MYPN: variants seen among roughly 807,000 people sequenced by gnomAD.
The protein encoded by MYPN is myopalladin, also known as sarcomeric protein myopalladin, 145 kDa (MYOP).
MYPN carries 63 observed loss-of-function variants against 129.4 expected under a neutral mutation model. The observed-to-expected ratio is 0.49, with a 90% CI of 0.40 to 0.60. The LOEUF (loss-of-function observed/expected upper bound fraction) is 0.60. MYPN is among the 20% of genes least tolerant of loss of function. The pLI is 0.00. For missense variants in MYPN, 1,596 were observed against 1,635.4 expected (o/e 0.98, Z 0.42); for synonymous variants, 629 against 600.9 (o/e 1.05, Z -0.68).
chr10:68,134,750 G>A (rs887589217), intron 2 of MYPN, among the ~76,000 whole-genome samples: 14 of 151,996 alleles, frequency 9.2e-5, no homozygotes, highest in Admixed American at 5.9e-4. Context: ...AGCCGAAATC[G>A]CACCACTGCA....
chr10:68,106,092 C>T (rs1192265400), upstream of MYPN: 2 of 453,102 alleles, frequency 4.4e-6, no homozygotes, highest in Non-Finnish European at 8.8e-6. Context: ...TCCTTCATGG[C>T]ACTTTTGTGT....
At chr10:68,162,944 T>TG (rs1209948815) in intron 8 of MYPN, among the ~76,000 whole-genome samples, 2 of 152,084 alleles carry the variant, frequency 1.3e-5, no homozygotes, top group Admixed American at 6.5e-5. Flanking sequence ...CGATCCTCTG[T>TG]GGGGGTCTTC....
At chr10:68,200,450 A>G (rs1043197419) in intron 17 of MYPN, among the ~76,000 whole-genome samples, 6 of 152,116 alleles carry the variant, frequency 3.9e-5, no homozygotes, top group Non-Finnish European at 8.8e-5. Flanking sequence ...TTCTGCTCTC[A>G]GTGTGGCCCT....
In MYPN at chr10:68,156,607, T is replaced by A. The variant is rs1403637955; in HGVS notation, c.1318-1879T>A. Among the ~76,000 whole-genome samples the A allele has an allele frequency of 2.0e-5, 3 of 152,190 alleles. No homozygotes were observed. The South Asian group carries it at 6.2e-4, about 32-fold the overall frequency. On this transcript the variant is annotated intron_variant, in intron 6 of 19. Coordinates refer to ENST00000358913, the MANE Select transcript of MYPN (RefSeq NM_032578.4). Reference sequence around the variant, plus strand: ...ATATCAATGCATAACATCCCTGAGGTGAAAGTCTCTTACACAGCTAATGCT... The same window carrying A: ...ATATCAATGCATAACATCCCTGAGGAGAAAGTCTCTTACACAGCTAATGCT...
At chr10:68,157,982 T>C (rs902304629) in intron 6 of MYPN, 1 of 153,510 alleles carries the variant, frequency 6.5e-6, no homozygotes, top group Non-Finnish European at 1.4e-5. Flanking sequence ...TAATATTTAA[T>C]AAATTTACTT....
chr10:68,154,541 A>T (rs1237826195), intron 6 of MYPN, among the ~76,000 whole-genome samples: 1 of 152,204 alleles, frequency 6.6e-6, no homozygotes, highest in Non-Finnish European at 1.5e-5. Context: ...CAATGATTGC[A>T]TGGGGCACTT....
In MYPN at chr10:68,210,452, T is replaced by G. The variant is rs756599350; in HGVS notation, c.3960T>G (p.Leu1320=). Residue 1320 remains leucine, a synonymous_variant, in exon 20 of 20, where the codon CTT becomes CTG. Transcript: ENST00000358913. ...GGAGTGTAGTGGAGAGTGATGAACT[T>G]TAAGAATGTCTAGGTACCTGCTGTG... is the stretch of plus-strand genomic sequence containing the variant. ...SSRSVVESDE[L] is the part of the protein sequence containing the mutation. 1.2e-6 allele frequency: 2 copies of G among 1,614,008 alleles called. No individual in the cohort carries two copies. Among genetic ancestry groups the G allele is most frequent in the Non-Finnish European group, 1.7e-6 (2 of 1,179,986 alleles).
rs2043088791 is a variant in MYPN at position 68,168,522 on chromosome 10, G to A, written c.1973+1856G>A. On this transcript the variant is annotated intron_variant, in intron 10 of 19. Coordinates refer to ENST00000358913, the MANE Select transcript of MYPN (RefSeq NM_032578.4). Reference sequence around the variant, plus strand: ...AGAGGTCCTGAGAAAGTGCACCCAAGGCAGTCAGGTTGCGGTTTGGTTTTA... The same window carrying A: ...AGAGGTCCTGAGAAAGTGCACCCAAAGCAGTCAGGTTGCGGTTTGGTTTTA... Among the ~76,000 whole-genome samples the A allele has an allele frequency of 3.3e-5, 5 of 152,318 alleles. No homozygotes were observed. In the East Asian group the frequency reaches 7.7e-4, roughly 24 times the overall value.
chr10:68,193,975 C>G (rs2043559544), intron 13 of MYPN, among the ~76,000 whole-genome samples: 2 of 148,440 alleles, frequency 1.3e-5, no homozygotes, highest in African/African-American at 4.9e-5. Context: ...CTGCAGGAAA[C>G]TTGAGCTTGT....
At chr10:68,136,970 G>T (rs1384426963) in intron 2 of MYPN, among the ~76,000 whole-genome samples, 1 of 151,934 alleles carries the variant, frequency 6.6e-6, no homozygotes, top group Non-Finnish European at 1.5e-5. Context: ...TTATTCTCAG[G>T]ATCCCTTTAC....
At chr10:68,124,411 C>T (rs1428858898) in intron 2 of MYPN, among the ~76,000 whole-genome samples, 4 of 152,158 alleles carry the variant, frequency 2.6e-5, no homozygotes, top group Non-Finnish European at 5.9e-5. Flanking sequence ...AATAGGGCAT[C>T]TGGGCATCAT....
At chr10:68,203,720 C>CACACAGAGAG (rs1554851560) in intron 18 of MYPN, among the ~76,000 whole-genome samples, 4 of 115,660 alleles carry the variant, frequency 3.5e-5, no homozygotes, top group Non-Finnish European at 8.2e-5. Flanking sequence ...CATACACACA[C>CACACAGAGAG]AGAGAGAGAG....
upstream of MYPN, among the ~76,000 whole-genome samples, chr10:68,108,295 T>C (rs75338872): frequency 0.051 from 7,831 of 152,264 alleles, 542 homozygotes; most frequent in East Asian, 0.2. Flanking sequence ...ACCTCCAATG[T>C]GATCACAATA....
Position 68,122,118 on chromosome 10 carries a change from C to A in MYPN, c.680C>A (p.Ala227Asp), listed in dbSNP as rs148874991. ...ACCAGGGATAATGAAGTGAATCACG[C>A]CCTGGAACAGCAGGAAGCCAAGAGG... Reference protein sequence around the residue: ...ADTRDNEVNHALEQQEAKRRE... With the variant: ...ADTRDNEVNHDLEQQEAKRRE... Residue 227 changes from alanine to aspartate, a missense_variant, in exon 2 of 20, where the codon GCC becomes GAC. Coordinates refer to ENST00000358913, the MANE Select transcript of MYPN (RefSeq NM_032578.4). The A allele has an allele frequency of 6.2e-7, 1 of 1,614,092 alleles. No homozygotes were observed. The highest frequency in any genetic ancestry group is 8.5e-7 in the Non-Finnish European group (1 of 1,179,952).
chr10:68,137,435 A>G (rs1383529225), intron 2 of MYPN, among the ~76,000 whole-genome samples: 3 of 152,218 alleles, frequency 2.0e-5, no homozygotes, highest in African/African-American at 7.2e-5. Context: ...TAGTTTCTGA[A>G]AGATTTGTTG....
chr10:68,209,903 G>A (rs1270122233), intron 19 of MYPN, among the ~76,000 whole-genome samples: 2 of 152,016 alleles, frequency 1.3e-5, no homozygotes, highest in African/African-American at 4.8e-5. Context: ...ATGTTGGCCA[G>A]CCTGGTCTTG....
intron 6 of MYPN, among the ~76,000 whole-genome samples, chr10:68,150,837 G>A (rs1464541892): frequency 6.6e-6 from 1 of 152,192 alleles, no homozygotes; most frequent in Non-Finnish European, 1.5e-5. Flanking sequence ...ATGGTATTAT[G>A]AGGACCAAAT....
At chr10:68,174,692 AGTTAAGAGTCGAT>A in intron 11 of MYPN, 36 bp downstream of exon 11, 6 of 1,593,820 alleles carry the variant, frequency 3.8e-6, no homozygotes, top group Non-Finnish European at 5.2e-6. Context: ...GTAAGATGCT[AGTTAAGAGTCGAT>A]GTGCACATTG....
intron 10 of MYPN, among the ~76,000 whole-genome samples, chr10:68,167,747 A>T (rs190019328): frequency 5.1e-4 from 77 of 152,354 alleles, no homozygotes; most frequent in Middle Eastern, 3.4e-3. Context: ...AATTCTGGAC[A>T]TAAGATTCAA....
Sources: gnomAD v4.1 joint callset for allele counts (sites outside exome capture counted in the v4.1 genomes callset) on GRCh38, gnomAD v4.1.1 for gene constraint, MANE v1.5 for transcripts, NCBI Gene and HGNC (gene_info 2026-07-23, HGNC 2026-07-21) for gene names.